Variants in NPAS3 observed in about 807,000 individuals in gnomAD.
NPAS3 encodes the protein neuronal PAS domain protein 3.
Under a neutral mutation model 73.1 loss-of-function variants are expected in NPAS3, and 14 were observed. That is an observed-to-expected ratio of 0.19 (90% confidence interval 0.13 to 0.30). The LOEUF is 0.30. Ranked by LOEUF, NPAS3 falls within the 10% of genes least tolerant of loss-of-function variation. The pLI, the probability that NPAS3 is intolerant of heterozygous loss-of-function variation, is 1.00. For missense variants in NPAS3, 1,096 were observed against 1,250.0 expected, an observed-to-expected ratio of 0.88 and a Z score of 1.86; for synonymous variants, 620 against 541.5, an observed-to-expected ratio of 1.14 and a Z score of -2.01.
intron 4 of NPAS3, among the ~76,000 whole-genome samples, chr14:33,551,853 A>G (rs2055132416): frequency 6.6e-6 from 1 of 152,092 alleles, no homozygotes; most frequent in African/African-American, 2.4e-5. Flanking sequence ...CAAATCGAGC[A>G]CTCCACGCGT....
At chr14:33,613,597 G>A (rs1037839184) in intron 5 of NPAS3, among the ~76,000 whole-genome samples, 5 of 152,036 alleles carry the variant, frequency 3.3e-5, no homozygotes, top group South Asian at 4.2e-4. Flanking sequence ...CCCATCCTTC[G>A]GTGTTCAGGG....
intron 5 of NPAS3, chr14:33,608,394 A>G (rs1338721150): frequency 6.6e-6 from 1 of 152,212 alleles, no homozygotes; most frequent in Non-Finnish European, 1.5e-5. Context: ...TTTATAGAGT[A>G]TGCAGATGTG....
chr14:33,605,713 G>A (rs941594472), intron 5 of NPAS3, among the ~76,000 whole-genome samples: 5 of 152,078 alleles, frequency 3.3e-5, no homozygotes, highest in African/African-American at 9.7e-5. Context: ...ATAGAACATT[G>A]TTGAAGGCCT....
intron 2 of NPAS3, among the ~76,000 whole-genome samples, chr14:33,137,432 T>C (rs570554880): frequency 6.6e-6 from 1 of 152,200 alleles, no homozygotes; most frequent in Non-Finnish European, 1.5e-5. Context: ...ATTATTATTA[T>C]TTTCTTGAAG....
intron 4 of NPAS3, among the ~76,000 whole-genome samples, chr14:33,381,628 G>A (rs1349428773): frequency 6.6e-6 from 1 of 152,162 alleles, no homozygotes; most frequent in Admixed American, 6.5e-5. Context: ...TTCGAACCCT[G>A]AGGTGGAAGT....
Position 33,565,157 on chromosome 14 carries a change from G to A in NPAS3, c.558+4947G>A, listed in dbSNP as rs1030982148. On this transcript the variant is annotated intron_variant, in intron 5 of 11. Coordinates refer to ENST00000356141, the Ensembl canonical transcript of NPAS3. ...TTAATAGAGGTGAAGGTGAAAGGGG[G>A]TAAGTGGTTGTTTTAAATTTGGTAT... 3.3e-5 allele frequency among the ~76,000 whole-genome samples: 5 copies of A among 152,340 alleles called. No individual in the cohort carries two copies. In the East Asian group the frequency reaches 7.7e-4, roughly 24 times the overall value.
At chr14:33,545,768 G>C (rs1273602724) in intron 4 of NPAS3, among the ~76,000 whole-genome samples, 1 of 152,218 alleles carries the variant, frequency 6.6e-6, no homozygotes, top group Non-Finnish European at 1.5e-5. Context: ...CTTTCTGATA[G>C]AGTCATGGTT....
intron 4 of NPAS3, among the ~76,000 whole-genome samples, chr14:33,513,024 C>G (rs1055978575): frequency 4.6e-5 from 7 of 151,978 alleles, no homozygotes; most frequent in Admixed American, 3.9e-4. Context: ...AGTTTTACCT[C>G]GAATTCAGTG....
intron 1 of NPAS3, among the ~76,000 whole-genome samples, chr14:32,997,670 A>G (rs1465607840): frequency 6.6e-6 from 1 of 151,706 alleles, no homozygotes; most frequent in African/African-American, 2.4e-5. Flanking sequence ...CACGCCTGTA[A>G]TCCCAGCACT....
At chr14:33,590,822 A>G (rs2057037459) in intron 5 of NPAS3, among the ~76,000 whole-genome samples, 1 of 152,172 alleles carries the variant, frequency 6.6e-6, no homozygotes, top group Non-Finnish European at 1.5e-5. Context: ...ATCATCCTCC[A>G]TCTATTCATT....
intron 2 of NPAS3, among the ~76,000 whole-genome samples, chr14:33,133,737 T>C (rs1265669430): frequency 6.6e-6 from 1 of 152,156 alleles, no homozygotes. Context: ...TTTGTAAGAA[T>C]GTAGTTTCTA....
intron 6 of NPAS3, among the ~76,000 whole-genome samples, chr14:33,708,573 G>A (rs2060725646): frequency 6.6e-6 from 1 of 152,058 alleles, no homozygotes; most frequent in Admixed American, 6.5e-5. Flanking sequence ...AACCAATACA[G>A]GCTTTATTCA....
intron 2 of NPAS3, among the ~76,000 whole-genome samples, chr14:33,072,730 G>A (rs942013622): frequency 7.2e-5 from 11 of 152,190 alleles, no homozygotes; most frequent in African/African-American, 2.4e-5. Flanking sequence ...GCAGGGCTGC[G>A]TGGGAACCTG....
chr14:33,211,729 G>A lies in NPAS3; in HGVS notation c.141-3453G>A, dbSNP rs78269883. Reference sequence around the variant, plus strand: ...CATACATACATATATGTGTGTGTGTGTTTTGAAATTATTGACGTTGTTTTT... The same window carrying A: ...CATACATACATATATGTGTGTGTGTATTTTGAAATTATTGACGTTGTTTTT... On this transcript the variant is annotated intron_variant, in intron 2 of 11. Transcript: ENST00000356141. 8.2e-3 allele frequency among the ~76,000 whole-genome samples: 1,243 copies of A among 152,190 alleles called. 16 individuals carry two copies. The highest frequency in any genetic ancestry group is 0.029 in the African/African-American group (1,190 of 41,524).
At chr14:33,796,615 G>A (rs1203144874) in intron 10 of NPAS3, among the ~76,000 whole-genome samples, 1 of 152,104 alleles carries the variant, frequency 6.6e-6, no homozygotes. Flanking sequence ...GAAGCAGGAG[G>A]ATTTCCTTGT....
chr14:33,028,357 T>C (rs1767589941), intron 1 of NPAS3, among the ~76,000 whole-genome samples: 1 of 152,228 alleles, frequency 6.6e-6, no homozygotes, highest in Non-Finnish European at 1.5e-5. Context: ...ATTCCCTATT[T>C]TTAAACTGAT....
intron 6 of NPAS3, among the ~76,000 whole-genome samples, chr14:33,705,475 C>G (rs2060631643): frequency 2.6e-5 from 4 of 152,156 alleles, no homozygotes; most frequent in South Asian, 4.1e-4. Context: ...TCCGCATTAC[C>G]AAGAGGGAGG....
At chr14:33,033,387 G>A (rs1277248605) in intron 1 of NPAS3, among the ~76,000 whole-genome samples, 1 of 152,140 alleles carries the variant, frequency 6.6e-6, no homozygotes, top group Non-Finnish European at 1.5e-5. Context: ...GCTGAGGCAT[G>A]AGAATTGCTT....
At chr14:33,495,632 A>G (rs1468322058) in intron 4 of NPAS3, among the ~76,000 whole-genome samples, 3 of 152,070 alleles carry the variant, frequency 2.0e-5, no homozygotes, top group Admixed American at 2.0e-4. Flanking sequence ...GTCTTTAAGA[A>G]CTTGCTTTAT....
Sources: allele counts gnomAD v4.1 joint callset (sites outside exome capture counted in the v4.1 genomes callset), GRCh38; gene constraint gnomAD v4.1.1; transcripts MANE v1.5; gene names NCBI Gene and HGNC (gene_info 2026-07-23, HGNC 2026-07-21).